SYNE1: variants seen among roughly 807,000 people sequenced by gnomAD.
SYNE1 encodes spectrin repeat containing nuclear envelope protein 1, also known as nesprin-1.
A neutral mutation model predicts 1,111.0 loss-of-function variants in SYNE1; 616 were observed. That is an observed-to-expected ratio of 0.55 (90% CI 0.52 to 0.59). SYNE1 has a LOEUF of 0.59. Among genes scored for constraint, SYNE1 ranks in the 20% least tolerant of loss-of-function variants. SYNE1 has a pLI of 0.00. For synonymous variants in SYNE1, 3,855 were observed against 3,825.8 expected, an observed-to-expected ratio of 1.01 and a Z score of -0.28; for missense variants, 10,006 against 10,417.0, an observed-to-expected ratio of 0.96 and a Z score of 1.72.
rs1405556784 is a variant in SYNE1, at chr6:152,422,562, C to T, written c.5267+2819G>A. On this transcript the variant is annotated intron_variant, in intron 39 of 145. Transcript: ENST00000367255. ...CTGTTACCCAGGCTTCAGTGCAGTG[C>T]TGTGATCACAGCTCCTTGTAACTTC... Among the ~76,000 whole-genome samples the T allele has an allele frequency of 2.6e-5, 4 of 151,868 alleles. No homozygotes were observed. The East Asian group carries it at 7.7e-4, about 29-fold the overall frequency.
At chr6:152,538,888 G>A (rs2099256613) in intron 4 of SYNE1, among the ~76,000 whole-genome samples, 1 of 152,106 alleles carries the variant, frequency 6.6e-6, no homozygotes, top group African/African-American at 2.4e-5. Flanking sequence ...TTCTTTCATG[G>A]CTGGATTGCA....
chr6:152,141,136 C>T (rs2058454606), intron 139 of SYNE1, 67 bp downstream of exon 139: 20 of 1,610,214 alleles, frequency 1.2e-5, no homozygotes, highest in South Asian at 2.2e-5. Context: ...AGTGGAATTT[C>T]GCTGTTAACA....
chr6:152,292,352 G>A (rs2094646741), intron 95 of SYNE1, among the ~76,000 whole-genome samples: 1 of 152,140 alleles, frequency 6.6e-6, no homozygotes, highest in African/African-American at 2.4e-5. Flanking sequence ...CTGCAAATGT[G>A]GCTAAGGGTG....
At chr6:152,501,350 A>G (rs1161634573) in intron 10 of SYNE1, among the ~76,000 whole-genome samples, 1 of 152,224 alleles carries the variant, frequency 6.6e-6, no homozygotes, top group Non-Finnish European at 1.5e-5. Context: ...TGGAGTGTGA[A>G]ATAGGACAAA....
At chr6:152,479,936 T>C (rs894191512) in intron 14 of SYNE1, among the ~76,000 whole-genome samples, 5 of 152,312 alleles carry the variant, frequency 3.3e-5, no homozygotes, top group African/African-American at 9.6e-5. Flanking sequence ...GCATTAAGTG[T>C]TGAAATTGTG....
chr6:152,268,088 T>C lies in SYNE1; in HGVS notation c.18783A>G (p.Gln6261=), dbSNP rs774395991. 2.0e-5 allele frequency: 32 copies of C among 1,613,938 alleles called. No homozygotes were observed. The highest frequency in any genetic ancestry group is 5.0e-5 in the Admixed American group (3 of 59,994). The change falls in exon 100 of 146, where the codon CAA becomes CAG. Residue 6261 remains glutamine (Q), a synonymous_variant. Coordinates refer to ENST00000367255, the MANE Select transcript of SYNE1 (RefSeq NM_182961.4). ...VASRGEEILI[Q]HSAAETSGDA... is the part of the protein sequence containing the mutation. ...CACCAGAGGTCTCTGCCGCCGAATG[T>C]TGAATTAGAATCTCCTCTCCACGAC...
intron 100 of SYNE1, among the ~76,000 whole-genome samples, chr6:152,264,935 C>A (rs149456834): frequency 2.6e-5 from 4 of 151,968 alleles, no homozygotes; most frequent in Non-Finnish European, 5.9e-5. Flanking sequence ...TAGGGCTGGG[C>A]GTGGTGGCTC....
chr6:152,334,325 T>C, intron 76 of SYNE1, 52 bp from the exon 77 acceptor site: 1 of 1,598,910 alleles, frequency 6.3e-7, no homozygotes, highest in African/African-American at 1.3e-5. Context: ...AATGCCCAAA[T>C]AAATATAGAG....
At chr6:152,553,088 T>G (rs1271125579) in intron 3 of SYNE1, among the ~76,000 whole-genome samples, 1 of 152,226 alleles carries the variant, frequency 6.6e-6, no homozygotes, top group Non-Finnish European at 1.5e-5. Context: ...ACATATTATC[T>G]AATTAAAACT....
intron 3 of SYNE1, among the ~76,000 whole-genome samples, chr6:152,585,038 G>A (rs2099533171): frequency 1.3e-5 from 2 of 152,154 alleles, no homozygotes; most frequent in African/African-American, 4.8e-5. Context: ...CCCGGTGGGA[G>A]GTAATTTAAT....
intron 81 of SYNE1, 122 bp from the exon 82 acceptor site, chr6:152,323,859 C>A (rs72999329): frequency 1.8e-4 from 216 of 1,195,866 alleles, no homozygotes; most frequent in Non-Finnish European, 2.4e-4. Flanking sequence ...ATAAATTCCA[C>A]ATGTTAGGAA....
chr6:152,236,330 A>C, intron 109 of SYNE1, 27 bp from the exon 110 acceptor site: 1 of 1,550,406 alleles, frequency 6.4e-7, no homozygotes. Context: ...ATTGAGTTAA[A>C]AGTTTGGATA....
chr6:152,306,289 C>T (rs571207877), intron 91 of SYNE1, among the ~76,000 whole-genome samples: 139 of 152,172 alleles, frequency 9.1e-4, no homozygotes, highest in Non-Finnish European at 6.6e-4. Context: ...AGTTCAATAC[C>T]AGCCTGGCCA....
At chr6:152,141,887 T>C (rs1388900167) in intron 138 of SYNE1, among the ~76,000 whole-genome samples, 1 of 152,028 alleles carries the variant, frequency 6.6e-6, no homozygotes, top group East Asian at 1.9e-4. Context: ...CTGGGCAACA[T>C]AGCAAGACCC....
chr6:152,526,246 C>CTCTCT, intron 4 of SYNE1, 71 bp from the exon 5 acceptor site: 1 of 1,477,078 alleles, frequency 6.8e-7, no homozygotes, highest in Non-Finnish European at 9.4e-7. Context: ...CTCTCTCTCA[C>CTCTCT]CTTTGTTACT....
At chr6:152,554,563 T>TA (rs1456962935) in intron 3 of SYNE1, among the ~76,000 whole-genome samples, 1 of 152,196 alleles carries the variant, frequency 6.6e-6, no homozygotes, top group Non-Finnish European at 1.5e-5. Context: ...TAGTTTTTTT[T>TA]ATCAGTTTCT....
At chr6:152,157,446 T>C (rs2061591498) in intron 131 of SYNE1, among the ~76,000 whole-genome samples, 1 of 152,072 alleles carries the variant, frequency 6.6e-6, no homozygotes, top group Admixed American at 6.5e-5. Flanking sequence ...GGCAATGAAG[T>C]GAGGTGTCAA....
intron 95 of SYNE1, among the ~76,000 whole-genome samples, chr6:152,286,220 T>C (rs1399063776): frequency 1.3e-5 from 2 of 152,238 alleles, no homozygotes; most frequent in East Asian, 3.9e-4. Flanking sequence ...TATATATCCA[T>C]GCTGCTGCTA....
At chr6:152,430,262 A>AT in intron 35 of SYNE1, 52 bp from the exon 36 acceptor site, 2 of 1,454,504 alleles carry the variant, frequency 1.4e-6, no homozygotes, top group South Asian at 2.4e-5. Context: ...ACATAGCAAG[A>AT]CAAAAAAAAA....
Sources: allele counts gnomAD v4.1 joint callset (sites outside exome capture counted in the v4.1 genomes callset), GRCh38; gene constraint gnomAD v4.1.1; transcripts MANE v1.5; gene names NCBI Gene and HGNC (gene_info 2026-07-23, HGNC 2026-07-21).